Variants in CTNND2 observed in about 807,000 individuals in gnomAD.
CTNND2 encodes the protein catenin delta 2.
CTNND2 carries 22 observed loss-of-function variants against 144.4 expected under a neutral mutation model. The ratio of observed to expected loss-of-function variants is 0.15; its 90% CI spans 0.11 to 0.22. CTNND2 has a LOEUF of 0.22. Among genes scored for constraint, CTNND2 ranks in the 10% least tolerant of loss-of-function variants. The pLI, the probability that CTNND2 is intolerant of heterozygous loss-of-function variation, is 1.00. For synonymous variants in CTNND2, 751 were observed against 695.6 expected (o/e 1.08, Z -1.25); for missense variants, 1,353 against 1,618.8 (o/e 0.84, Z 2.82).
chr5:11,640,074 T>C (rs576164428), intron 2 of CTNND2, among the ~76,000 whole-genome samples: 11 of 152,366 alleles, frequency 7.2e-5, no homozygotes, highest in Non-Finnish European at 1.3e-4. Context: ...ACAAAGCTTA[T>C]GACTGGAGAT....
At chr5:11,185,446 A>C (rs1735528622) in intron 11 of CTNND2, among the ~76,000 whole-genome samples, 1 of 152,220 alleles carries the variant, frequency 6.6e-6, no homozygotes, top group Admixed American at 6.5e-5. Flanking sequence ...TCACCTTCTA[A>C]GCAGTCCCAT....
chr5:11,192,505 G>A (rs1240083860), intron 11 of CTNND2, among the ~76,000 whole-genome samples: 2 of 152,134 alleles, frequency 1.3e-5, no homozygotes, highest in Non-Finnish European at 2.9e-5. Flanking sequence ...AGAGAATCCT[G>A]GATCAGCCCG....
intron 18 of CTNND2, among the ~76,000 whole-genome samples, chr5:11,004,082 C>G (rs1455944908): frequency 6.6e-6 from 1 of 152,078 alleles, no homozygotes; most frequent in African/African-American, 2.4e-5. Flanking sequence ...GAAAGTATAC[C>G]ATTGTTAACC....
At chr5:11,120,506 AT>A (rs1754004371) in intron 12 of CTNND2, among the ~76,000 whole-genome samples, 1 of 70,086 alleles carries the variant, frequency 1.4e-5, no homozygotes, top group Admixed American at 1.4e-4. Context: ...CGCAGGGGTA[AT>A]GAGGCTCAGT....
At chr5:11,403,758 G>T (rs2149825828) in intron 5 of CTNND2, among the ~76,000 whole-genome samples, 1 of 152,248 alleles carries the variant, frequency 6.6e-6, no homozygotes, top group African/African-American at 2.4e-5. Context: ...AATACAAATT[G>T]GTTTTGAAGA....
chr5:11,855,357 G>GA (rs1040862610), intron 1 of CTNND2, among the ~76,000 whole-genome samples: 2 of 152,132 alleles, frequency 1.3e-5, no homozygotes, highest in African/African-American at 4.8e-5. Context: ...CACCTCACTG[G>GA]AAAAACAGAG....
intron 3 of CTNND2, among the ~76,000 whole-genome samples, chr5:11,470,126 T>G (rs1767043596): frequency 6.6e-6 from 1 of 152,178 alleles, no homozygotes; most frequent in Admixed American, 6.5e-5. Context: ...CAGGATAGTT[T>G]TAGATTTATA....
chr5:11,408,444 A>G (rs1761260071), intron 5 of CTNND2, among the ~76,000 whole-genome samples: 3 of 151,818 alleles, frequency 2.0e-5, no homozygotes, highest in Admixed American at 6.6e-5. Context: ...TCTTAAGAAT[A>G]ATAATATTCT....
At chr5:11,071,729 C>T (rs1295699529) in intron 16 of CTNND2, among the ~76,000 whole-genome samples, 4 of 151,940 alleles carry the variant, frequency 2.6e-5, no homozygotes, top group African/African-American at 9.7e-5. Context: ...AGGGCAGGAA[C>T]CCCCACAGAG....
chr5:11,253,981 C>G (rs1171967089), intron 9 of CTNND2, among the ~76,000 whole-genome samples: 1 of 151,896 alleles, frequency 6.6e-6, no homozygotes, highest in Non-Finnish European at 1.5e-5. Context: ...TTGCCTTGAC[C>G]CAAAACTATT....
chr5:11,034,752 T>TA (rs1743878527), intron 16 of CTNND2, among the ~76,000 whole-genome samples: 2 of 152,184 alleles, frequency 1.3e-5, no homozygotes, highest in Non-Finnish European at 2.9e-5. Context: ...CTGCATGTGT[T>TA]AGTTTTCTTC....
chr5:11,299,314 T>C (rs1382766183), intron 9 of CTNND2, among the ~76,000 whole-genome samples: 1 of 152,194 alleles, frequency 6.6e-6, no homozygotes, highest in East Asian at 1.9e-4. Flanking sequence ...TCAAACTCTT[T>C]GGTATATACT....
chr5:11,730,093 C>T (rs1040034074), intron 2 of CTNND2, among the ~76,000 whole-genome samples: 1 of 152,112 alleles, frequency 6.6e-6, no homozygotes, highest in African/African-American at 2.4e-5. Context: ...ACTTGTGGCA[C>T]ATATTTTCTC....
intron 1 of CTNND2, among the ~76,000 whole-genome samples, chr5:11,858,072 T>C (rs1795332213): frequency 1.3e-5 from 2 of 152,216 alleles, no homozygotes; most frequent in African/African-American, 4.8e-5. Context: ...TCACAGGTAA[T>C]GTGGCTTCAA....
At chr5:11,685,598 T>C (rs1784612031) in intron 2 of CTNND2, among the ~76,000 whole-genome samples, 2 of 152,216 alleles carry the variant, frequency 1.3e-5, no homozygotes, top group African/African-American at 4.8e-5. Flanking sequence ...CTCAACCTTT[T>C]ACTCTCTTAA....
chr5:11,512,573 A>G (rs1416577724), intron 3 of CTNND2, among the ~76,000 whole-genome samples: 2 of 152,168 alleles, frequency 1.3e-5, no homozygotes, highest in Non-Finnish European at 2.9e-5. Flanking sequence ...CCTCCTTTCT[A>G]TATCTGACAC....
chr5:11,778,777 G>C lies in CTNND2; in HGVS notation c.38-46505C>G, dbSNP rs562532989. Among the ~76,000 whole-genome samples, 8 of 152,310 alleles carry C rather than the reference G, an allele frequency of 5.3e-5. No individual in the cohort carries two copies. In the South Asian group the frequency reaches 1.0e-3, roughly 20 times the overall value. On this transcript the variant is annotated intron_variant, in intron 1 of 21. Coordinates refer to ENST00000304623, the MANE Select transcript of CTNND2 (RefSeq NM_001332.4). Reference sequence around the variant, plus strand: ...ATGAATGAACTACAGGCTACACTTAGTAATAATGCATCAATATTGGATCAT... The same window carrying C: ...ATGAATGAACTACAGGCTACACTTACTAATAATGCATCAATATTGGATCAT...
chr5:11,771,113 G>T (rs1478087821), intron 1 of CTNND2, among the ~76,000 whole-genome samples: 1 of 151,724 alleles, frequency 6.6e-6, no homozygotes, highest in African/African-American at 2.4e-5. Flanking sequence ...ATTATAAAAA[G>T]GAAAGGGGTC....
At chr5:11,470,980 A>ATATATATATATATATAT (rs1219093645) in intron 3 of CTNND2, among the ~76,000 whole-genome samples, 45 of 91,510 alleles carry the variant, frequency 4.9e-4, no homozygotes, top group African/African-American at 6.9e-4. Context: ...ATATATATAT[A>ATATATATATATATATAT]TTTTTTTTTT....
Sources: gnomAD v4.1 joint callset for allele counts (sites outside exome capture counted in the v4.1 genomes callset) on GRCh38, gnomAD v4.1.1 for gene constraint, MANE v1.5 for transcripts, NCBI Gene and HGNC (gene_info 2026-07-23, HGNC 2026-07-21) for gene names.